The following AP3D1 variants were observed in gnomAD, a reference collection of about 807,000 sequenced individuals.
The protein encoded by AP3D1 is AP-3 complex subunit delta-1.
In AP3D1, 51 loss-of-function variants were observed where a neutral mutation model predicts 147.6. The ratio of observed to expected loss-of-function variants is 0.35; its 90% CI spans 0.28 to 0.44. The LOEUF (loss-of-function observed/expected upper bound fraction) is 0.44. Ranked by LOEUF, AP3D1 falls within the 20% of genes least tolerant of loss-of-function variation. AP3D1 has a pLI of 1.00. For synonymous variants in AP3D1, 760 were observed against 663.0 expected, an observed-to-expected ratio of 1.15 and a Z score of -2.25; for missense variants, 1,421 against 1,624.2, an observed-to-expected ratio of 0.87 and a Z score of 2.15.
chr19:2,109,264 GCA>G, intron 29 of AP3D1, 57 bp from the exon 30 acceptor site: 2 of 1,512,272 alleles, frequency 1.3e-6, no homozygotes, highest in Non-Finnish European at 1.8e-6. Context: ...AGGCTTCCTG[GCA>G]CAGAGGCCAA....
Position 2,115,236 on chromosome 19 carries a change from T to C in AP3D1, c.2332A>G (p.Thr778Ala), listed in dbSNP as rs1413137608. ...IAPAQQVDIV[T>A]EEMPENALPS... is the part of the protein sequence containing the mutation. The stretch of plus-strand genomic sequence containing the variant: ...AGGCTGACCTCAGGCATCTCCTCTG[T>C]GACGATGTCCACCTGCTGGGCAGGG... The change falls in exon 20 of 32, where the codon ACA becomes GCA. Residue 778 changes from threonine to alanine, a missense_variant. Physicochemically the swap from Thr to Ala is moderately conservative, Grantham distance 58 (BLOSUM62 0). Coordinates refer to ENST00000643116, the MANE Select transcript of AP3D1 (RefSeq NM_001261826.3). 10 of 1,613,362 alleles carry C rather than the reference T, an allele frequency of 6.2e-6. No homozygotes were observed. The highest frequency in any genetic ancestry group is 7.6e-6 in the Non-Finnish European group (9 of 1,179,928).
rs1599501755 is a variant in AP3D1 at position 2,151,415 on chromosome 19, G to A, written c.-81C>T. The A allele has an allele frequency of 7.8e-6, 7 of 901,650 alleles. No individual in the cohort carries two copies. The highest frequency in any genetic ancestry group is 4.4e-4 in the Middle Eastern group (1 of 2,270). The allele number at this position is 901,650 out of a possible 1,614,324, so 55.9% of individuals were successfully genotyped here. ...GGCCCGGGGCCCGTGCCTGCCGCCC[G>A]CGGAGCGCCGCGCTGCCGGCCGCTG... On this transcript the variant is annotated 5_prime_UTR_variant, in exon 1 of 32. Coordinates refer to ENST00000643116, the MANE Select transcript of AP3D1 (RefSeq NM_001261826.3).
intron 31 of AP3D1, among the ~76,000 whole-genome samples, chr19:2,103,029 C>T (rs957004108): frequency 6.6e-5 from 10 of 151,870 alleles, no homozygotes; most frequent in African/African-American, 2.2e-4. Flanking sequence ...GAGGCTGAGG[C>T]GGGAGGGTCG....
intron 31 of AP3D1, among the ~76,000 whole-genome samples, chr19:2,105,527 T>C (rs369809131): frequency 7.2e-5 from 11 of 152,378 alleles, no homozygotes; most frequent in Middle Eastern, 3.4e-3. Flanking sequence ...CCGTAGGGGA[T>C]ACTTTTAGTT....
intron 9 of AP3D1, 43 bp from the exon 10 acceptor site, chr19:2,123,922 C>A (rs1264327582): frequency 6.4e-7 from 1 of 1,554,612 alleles, no homozygotes; most frequent in South Asian, 1.2e-5. Flanking sequence ...AGCACCATGG[C>A]CAGCGCCGAC....
At chr19:2,144,367 C>T (rs114771348) in intron 1 of AP3D1, among the ~76,000 whole-genome samples, 157 of 152,312 alleles carry the variant, frequency 1.0e-3, no homozygotes, top group African/African-American at 3.4e-3. Context: ...GCAGAGCGGC[C>T]GCGGCCACCC....
chr19:2,150,313 C>T (rs930020684), intron 1 of AP3D1, among the ~76,000 whole-genome samples: 2 of 152,200 alleles, frequency 1.3e-5, no homozygotes, highest in African/African-American at 4.8e-5. Context: ...AGGACACTTT[C>T]TAAGGCTCCC....
At chr19:2,110,307 A>T in intron 27 of AP3D1, 83 bp from the exon 28 acceptor site, 1 of 1,185,622 alleles carries the variant, frequency 8.4e-7, no homozygotes, top group Non-Finnish European at 1.2e-6. Flanking sequence ...CCTCAGTCCC[A>T]AGTCCTCTGT....
intron 1 of AP3D1, among the ~76,000 whole-genome samples, chr19:2,157,319 G>A (rs2019653778): frequency 6.7e-6 from 1 of 150,346 alleles, no homozygotes; most frequent in Non-Finnish European, 1.5e-5. Context: ...GCGGGCGCCT[G>A]TAGTCCCAGC....
At chr19:2,162,041 T>G (rs1386221990) in intron 1 of AP3D1, among the ~76,000 whole-genome samples, 2 of 148,492 alleles carry the variant, frequency 1.3e-5, no homozygotes, top group Non-Finnish European at 3.0e-5. Flanking sequence ...GAGTTTTTTT[T>G]TTTTTTTTTT....
chr19:2,162,767 C>T (rs546682966), intron 1 of AP3D1, among the ~76,000 whole-genome samples: 3 of 151,978 alleles, frequency 2.0e-5, no homozygotes, highest in South Asian at 2.1e-4. Flanking sequence ...GCAGTGACTG[C>T]GGGACTCTAT....
intron 31 of AP3D1, among the ~76,000 whole-genome samples, chr19:2,106,892 G>A (rs2144997603): frequency 6.6e-6 from 1 of 152,320 alleles, no homozygotes; most frequent in African/African-American, 2.4e-5. Context: ...GGTGCCAGGG[G>A]CTGGGGAGGC....
chr19:2,117,828 C>G (rs1320622827), intron 15 of AP3D1, among the ~76,000 whole-genome samples: 1 of 152,248 alleles, frequency 6.6e-6, no homozygotes. Context: ...GAAGCTGGGT[C>G]TCCTCAGCCA....
intron 31 of AP3D1, among the ~76,000 whole-genome samples, chr19:2,107,656 C>T (rs905316036): frequency 1.3e-5 from 2 of 151,092 alleles, no homozygotes; most frequent in African/African-American, 2.4e-5. Context: ...AGGAGAATGG[C>T]GTGAACCAGG....
intron 9 of AP3D1, among the ~76,000 whole-genome samples, chr19:2,124,473 A>T (rs1197272791): frequency 6.6e-6 from 1 of 152,210 alleles, no homozygotes; most frequent in South Asian, 2.1e-4. Flanking sequence ...CTTTAAAAGA[A>T]AGACATGAAG....
At chr19:2,119,699 CAAAAAAAAAA>C (rs954635585) in intron 14 of AP3D1, among the ~76,000 whole-genome samples, 2 of 25,336 alleles carry the variant, frequency 7.9e-5, no homozygotes, top group Admixed American at 4.4e-4. Context: ...GACTCTGTCT[CAAAAAAAAAA>C]AAAAAAAAAA....
chr19:2,111,201 G>GT, intron 26 of AP3D1, 84 bp downstream of exon 26: 1 of 1,537,638 alleles, frequency 6.5e-7, no homozygotes, highest in Non-Finnish European at 8.9e-7. Flanking sequence ...TCCGGGAGCT[G>GT]TGGGGGCTGC....
chr19:2,133,593 C>G (rs1338500118), intron 4 of AP3D1: 1 of 152,160 alleles, frequency 6.6e-6, no homozygotes, highest in Non-Finnish European at 1.5e-5. Flanking sequence ...CAACCTCCAC[C>G]TCCCAAGTTC....
intron 31 of AP3D1, among the ~76,000 whole-genome samples, chr19:2,105,225 T>C (rs528746576): frequency 2.4e-4 from 37 of 151,500 alleles, no homozygotes; most frequent in African/African-American, 8.5e-4. Flanking sequence ...GCTGGGGAGG[T>C]GTTGGGAGCA....
Sources: gnomAD v4.1 joint callset for allele counts (sites outside exome capture counted in the v4.1 genomes callset) on GRCh38, gnomAD v4.1.1 for gene constraint, MANE v1.5 for transcripts, NCBI Gene and HGNC (gene_info 2026-07-23, HGNC 2026-07-21) for gene names.